Variants in MYO5B observed in about 807,000 individuals in gnomAD.
The protein encoded by MYO5B is myosin VB, also known as unconventional myosin-Vb.
In MYO5B, 143 loss-of-function variants were observed where a neutral mutation model predicts 229.3. That is an observed-to-expected ratio of 0.62 (90% CI 0.54 to 0.72). MYO5B has a LOEUF of 0.72. MYO5B is among the 30% of genes least tolerant of loss of function. MYO5B has a pLI of 0.00. For synonymous variants in MYO5B, 918 were observed against 885.2 expected (o/e 1.04, Z -0.66); for missense variants, 2,321 against 2,331.0 (o/e 1.00, Z 0.09).
intron 20 of MYO5B, among the ~76,000 whole-genome samples, chr18:49,904,445 C>T (rs1014383188): frequency 6.6e-6 from 1 of 152,220 alleles, no homozygotes; most frequent in Non-Finnish European, 1.5e-5. Context: ...CTTCATAAAT[C>T]ACCCAGCCTC....
chr18:49,926,674 G>T (rs1253558954), intron 17 of MYO5B, among the ~76,000 whole-genome samples: 2 of 152,212 alleles, frequency 1.3e-5, no homozygotes, highest in African/African-American at 4.8e-5. Flanking sequence ...TGGTTCAGTG[G>T]CTTATCCGCA....
intron 17 of MYO5B, among the ~76,000 whole-genome samples, chr18:49,919,429 G>GT (rs1491383721): frequency 6.6e-6 from 1 of 152,076 alleles, no homozygotes; most frequent in Non-Finnish European, 1.5e-5. Context: ...GTCTTATAAG[G>GT]TTCTCATATT....
intron 1 of MYO5B, among the ~76,000 whole-genome samples, chr18:50,122,457 A>AAAAAAAAG (rs1475848770): frequency 6.8e-6 from 1 of 146,336 alleles, no homozygotes; most frequent in African/African-American, 2.6e-5. Context: ...AAAAAAAAAA[A>AAAAAAAAG]AAAATCAGCC....
chr18:50,063,516 T>C (rs2030740799), intron 1 of MYO5B, among the ~76,000 whole-genome samples: 1 of 152,078 alleles, frequency 6.6e-6, no homozygotes, highest in Admixed American at 6.6e-5. Context: ...GAGAAAGAAC[T>C]ATAACATAAT....
chr18:49,882,634 A>AAAAAAAAAG (rs1459008212), intron 22 of MYO5B, among the ~76,000 whole-genome samples: 25 of 150,722 alleles, frequency 1.7e-4, no homozygotes, highest in African/African-American at 6.1e-4. Context: ...CTCAAAAAAA[A>AAAAAAAAAG]AAAAAAAGAA....
At chr18:49,914,066 A>G (rs1598878772) in intron 17 of MYO5B, among the ~76,000 whole-genome samples, 1 of 152,108 alleles carries the variant, frequency 6.6e-6, no homozygotes, top group East Asian at 1.9e-4. Context: ...GTGTGACCTG[A>G]TTCTTCCAGG....
At chr18:50,096,631 C>T (rs1401728181) in intron 1 of MYO5B, among the ~76,000 whole-genome samples, 1 of 152,196 alleles carries the variant, frequency 6.6e-6, no homozygotes, top group Non-Finnish European at 1.5e-5. Context: ...CTCCTTCATC[C>T]TAACTTCTAC....
At chr18:49,863,873 A>G (rs1467209833) in intron 28 of MYO5B, among the ~76,000 whole-genome samples, 1 of 152,178 alleles carries the variant, frequency 6.6e-6, no homozygotes, top group Non-Finnish European at 1.5e-5. Context: ...CAAGGGGTAT[A>G]AGGTGAAAAG....
intron 22 of MYO5B, among the ~76,000 whole-genome samples, chr18:49,885,331 A>C (rs2024630870): frequency 6.6e-6 from 1 of 152,168 alleles, no homozygotes; most frequent in African/African-American, 2.4e-5. Flanking sequence ...CAAGTGTGCA[A>C]TGGCAGAGGG....
At chr18:49,903,669 C>A (rs947792576) in intron 20 of MYO5B, among the ~76,000 whole-genome samples, 7 of 152,180 alleles carry the variant, frequency 4.6e-5, no homozygotes, top group South Asian at 2.1e-4. Flanking sequence ...GAAAATCACA[C>A]CTTCTGTGAT....
chr18:50,144,387 G>A (rs915504470), intron 1 of MYO5B, among the ~76,000 whole-genome samples: 2 of 152,110 alleles, frequency 1.3e-5, no homozygotes, highest in East Asian at 1.9e-4. Flanking sequence ...AACCAGGAGG[G>A]GTTGGTCTGC....
chr18:49,934,010 G>A (rs917307392), intron 16 of MYO5B, among the ~76,000 whole-genome samples: 1 of 152,010 alleles, frequency 6.6e-6, no homozygotes, highest in Non-Finnish European at 1.5e-5. Flanking sequence ...GGAGTAGCTG[G>A]GACTATAGGC....
chr18:49,834,821 G>A (rs1186988486), intron 39 of MYO5B, among the ~76,000 whole-genome samples: 2 of 152,054 alleles, frequency 1.3e-5, no homozygotes, highest in Admixed American at 6.6e-5. Context: ...TGTATTTTTA[G>A]TAGAGACCGG....
chr18:50,119,205 G>C (rs571281751), intron 1 of MYO5B, among the ~76,000 whole-genome samples: 1 of 152,164 alleles, frequency 6.6e-6, no homozygotes, highest in Non-Finnish European at 1.5e-5. Flanking sequence ...ACCAGCTCCG[G>C]GTGATGCTGC....
chr18:49,908,928 T>C (rs903440696), intron 18 of MYO5B, among the ~76,000 whole-genome samples: 4 of 152,148 alleles, frequency 2.6e-5, no homozygotes, highest in African/African-American at 9.7e-5. Context: ...AATCCACTTT[T>C]CTCCCCTAAA....
chr18:50,174,204 A>C (rs1390136264), intron 1 of MYO5B, among the ~76,000 whole-genome samples: 1 of 152,194 alleles, frequency 6.6e-6, no homozygotes, highest in African/African-American at 2.4e-5. Context: ...GCAGACAAAC[A>C]GAATAGGATA....
chr18:49,830,865 T>TAAA (rs2023910556), intron 39 of MYO5B, among the ~76,000 whole-genome samples: 1 of 147,294 alleles, frequency 6.8e-6, no homozygotes, highest in Non-Finnish European at 1.5e-5. Flanking sequence ...AAAACAAAAT[T>TAAA]GGAGGACTCA....
chr18:50,056,381 A>T (rs1008989656), intron 1 of MYO5B, among the ~76,000 whole-genome samples: 2 of 152,174 alleles, frequency 1.3e-5, no homozygotes. Flanking sequence ...CAGAGACACT[A>T]ATGAGTGCTG....
At chr18:50,151,423 A>G (rs943795471) in intron 1 of MYO5B, among the ~76,000 whole-genome samples, 1 of 152,190 alleles carries the variant, frequency 6.6e-6, no homozygotes, top group African/African-American at 2.4e-5. Context: ...ACCCTCATGA[A>G]GGGTCTAAAT....
Sources: gnomAD v4.1 joint callset for allele counts (sites outside exome capture counted in the v4.1 genomes callset) on GRCh38, gnomAD v4.1.1 for gene constraint, MANE v1.5 for transcripts, NCBI Gene and HGNC (gene_info 2026-07-23, HGNC 2026-07-21) for gene names.